The following DNAJB12 variants were observed in gnomAD, a reference collection of about 807,000 sequenced individuals.
The protein encoded by DNAJB12 is dnaJ homolog subfamily B member 12.
Under a neutral mutation model 40.6 loss-of-function variants are expected in DNAJB12, and 14 were observed. The observed-to-expected ratio is 0.34, with a 90% CI of 0.23 to 0.54. The LOEUF (loss-of-function observed/expected upper bound fraction) is 0.54, where lower values mean the gene tolerates loss of function less well. Among genes scored for constraint, DNAJB12 ranks in the 20% least tolerant of loss-of-function variants. The probability of loss-of-function intolerance (pLI) is 0.92; values close to 1 mark genes in which losing one functional copy is unlikely to be tolerated. For synonymous variants in DNAJB12, 181 were observed against 199.5 expected (o/e 0.91, Z 0.78); for missense variants, 444 against 501.7 (o/e 0.89, Z 1.10).
intron 7 of DNAJB12, 47 bp downstream of exon 7, chr10:72,336,477 C>T (rs749910776): frequency 1.9e-6 from 3 of 1,586,702 alleles, no homozygotes; most frequent in African/African-American, 1.3e-5. Flanking sequence ...CCAGCTTCAT[C>T]CCAAGCCACC....
In DNAJB12 at chr10:72,334,562, A is replaced by G; in HGVS notation, c.*86T>C. On this transcript the variant is annotated 3_prime_UTR_variant, in exon 9 of 9. Coordinates refer to ENST00000444643, the MANE Select transcript of DNAJB12 (RefSeq NM_017626.7). ...TTTGTTTGTCTTTCCTCAAATATACAGTCCATCACCTTGGCTCAGTGCATG... is the reference window on the plus strand; with the variant it reads ...TTTGTTTGTCTTTCCTCAAATATACGGTCCATCACCTTGGCTCAGTGCATG... The G allele has an allele frequency of 2.0e-6, 3 of 1,535,774 alleles. No homozygotes were observed. The highest frequency in any genetic ancestry group is 2.6e-6 in the Non-Finnish European group (3 of 1,146,648).
At chr10:72,352,775 A>G (rs1378034597) in intron 1 of DNAJB12, among the ~76,000 whole-genome samples, 2 of 152,166 alleles carry the variant, frequency 1.3e-5, no homozygotes, top group Non-Finnish European at 2.9e-5. Context: ...CAAGCAGAGG[A>G]CTTTGCAAAC....
At chr10:72,346,057 C>T (rs1010063903) in intron 1 of DNAJB12, among the ~76,000 whole-genome samples, 3 of 152,078 alleles carry the variant, frequency 2.0e-5, no homozygotes, top group Non-Finnish European at 4.4e-5. Context: ...ACATATATCT[C>T]TTTTCTTAAT....
chr10:72,352,150 A>AG (rs1437213855), intron 1 of DNAJB12, among the ~76,000 whole-genome samples: 1 of 152,178 alleles, frequency 6.6e-6, no homozygotes, highest in Non-Finnish European at 1.5e-5. Context: ...TCTTTTAACA[A>AG]CAGTGCCCGT....
intron 1 of DNAJB12, among the ~76,000 whole-genome samples, chr10:72,350,398 C>CAAAAA (rs35316232): frequency 3.6e-5 from 1 of 27,820 alleles, no homozygotes; most frequent in Non-Finnish European, 8.2e-5. Flanking sequence ...GACCCTGTCT[C>CAAAAA]AAAAAAAAAA....
In DNAJB12 at chr10:72,336,783, G is replaced by A. The variant is rs532471004; in HGVS notation, c.834-87C>T. The A allele has an allele frequency of 1.1e-4, 121 of 1,151,466 alleles. No homozygotes were observed. The South Asian group carries it at 1.3e-3, about 13-fold the overall frequency. 71.3% of individuals were successfully genotyped at this position (1,151,466 alleles called of 1,614,324 possible). On this transcript the variant is annotated intron_variant, in intron 6 of 8. Coordinates refer to ENST00000444643, the MANE Select transcript of DNAJB12 (RefSeq NM_017626.7). ...TATGGGCCCCAAGACAGGAGGTGCCGCACAGACCAGAGGAGTAGTTGGTTC... is the reference window on the plus strand; with the variant it reads ...TATGGGCCCCAAGACAGGAGGTGCCACACAGACCAGAGGAGTAGTTGGTTC...
chr10:72,335,182 G>T lies in DNAJB12; in HGVS notation c.*31-565C>A, dbSNP rs955320064. The T allele has an allele frequency of 2.3e-5, 23 of 987,400 alleles. No individual in the cohort carries two copies. Among genetic ancestry groups the T allele is most frequent in the Non-Finnish European group, 2.6e-5 (22 of 830,910 alleles). The allele number at this position is 987,400 out of a possible 1,614,324, so 61.2% of individuals were successfully genotyped here. A position where few individuals can be genotyped will look rare whatever the true frequency, so the allele number is the denominator to read the frequency against. On this transcript the variant is annotated intron_variant, in intron 8 of 8. Coordinates refer to ENST00000444643, the MANE Select transcript of DNAJB12 (RefSeq NM_017626.7). The surrounding 1 kb of genome is among the most constrained non-coding windows in gnomAD (Gnocchi z 4.4). ...AGAGTGCCTCAGATCCCACCAGAGG[G>T]GGGTGGTCAGGGCCCGCGGCCCCTG...
chr10:72,341,317 G>A (rs906093337), intron 3 of DNAJB12, 147 bp from the exon 4 acceptor site: 1 of 745,340 alleles, frequency 1.3e-6, no homozygotes, highest in Non-Finnish European at 2.1e-6. Context: ...CTTGGCCAGT[G>A]TAAGGAGGGG....
intron 2 of DNAJB12, among the ~76,000 whole-genome samples, chr10:72,344,501 G>A (rs184782212): frequency 3.3e-5 from 5 of 152,342 alleles, no homozygotes; most frequent in East Asian, 1.9e-4. Context: ...GCTCACAGCC[G>A]TGGGGCAATA....
chr10:72,345,038 C>T lies in DNAJB12; in HGVS notation c.223G>A (p.Gly75Ser), dbSNP rs779246409. The T allele has an allele frequency of 6.2e-6, 10 of 1,614,130 alleles. No individual in the cohort carries two copies. In the South Asian group the frequency reaches 8.8e-5, roughly 14 times the overall value. The stretch of plus-strand genomic sequence containing the variant: ...TTGGCCGAGGGGGCATCGGTCCCAC[C>T]TGCTTTCCTGTGGGTGGCATGGGTT... ...DTTHATHRKA[G>S]GTDAPSANGE... Residue 75 changes from glycine to serine, a missense_variant, in exon 2 of 9, where the codon GGT becomes AGT. Coordinates refer to ENST00000444643, the MANE Select transcript of DNAJB12 (RefSeq NM_017626.7).
chr10:72,351,995 G>A (rs1666351793), intron 1 of DNAJB12, among the ~76,000 whole-genome samples: 1 of 152,100 alleles, frequency 6.6e-6, no homozygotes, highest in Admixed American at 6.5e-5. Context: ...ACACAGGCCT[G>A]GTGCCTCTTT....
At position 72,354,903 on chromosome 10, in the gene DNAJB12, A is replaced by T. The variant is rs773368679; in HGVS notation, c.-6T>A. ...TCATCCTTGTTGGATTCCATGGCGG[A>T]ACCAGAACGCGGAACCAGGGAGGGG... On this transcript the variant is annotated 5_prime_UTR_variant, in exon 1 of 9. Coordinates refer to ENST00000444643, the MANE Select transcript of DNAJB12 (RefSeq NM_017626.7). 6.2e-7 allele frequency: 1 copy of T among 1,613,860 alleles called. No homozygotes were observed. Among genetic ancestry groups the T allele is most frequent in the South Asian group, 1.1e-5 (1 of 91,042 alleles).
intron 1 of DNAJB12, among the ~76,000 whole-genome samples, chr10:72,350,606 C>A (rs572403527): frequency 6.6e-6 from 1 of 152,148 alleles, no homozygotes; most frequent in African/African-American, 2.4e-5. Context: ...TTGTCTCTGA[C>A]CGTGACTTTG....
In DNAJB12 at chr10:72,335,858, G is replaced by C. The variant is rs1362562146; in HGVS notation, c.1080C>G (p.Thr360=). 6.2e-7 allele frequency: 1 copy of C among 1,614,218 alleles called. No homozygotes were observed. Residue 360 remains threonine (T), a synonymous_variant, in exon 8 of 9, where the codon ACC becomes ACG. Transcript: ENST00000444643. The surrounding 1 kb of genome is among the most constrained non-coding windows in gnomAD (Gnocchi z 4.4). Reference sequence around the variant, plus strand: ...CCTCTGACAGTCGGCTGCAGCTGGGGGTGCCCATCTTCTGTGCTCTGTGGT... The same window carrying C: ...CCTCTGACAGTCGGCTGCAGCTGGGCGTGCCCATCTTCTGTGCTCTGTGGT... ...DMYHRAQKMG[T]PSCSRLSEVQ...
At chr10:72,343,887 CTTTT>C (rs370222284) in intron 2 of DNAJB12, among the ~76,000 whole-genome samples, 1 of 145,120 alleles carries the variant, frequency 6.9e-6, no homozygotes, top group African/African-American at 2.5e-5. Context: ...CAATCTGAGT[CTTTT>C]TTTTTTTTTA....
At chr10:72,337,307 G>A (rs1861504830) in intron 6 of DNAJB12, among the ~76,000 whole-genome samples, 1 of 152,170 alleles carries the variant, frequency 6.6e-6, no homozygotes, top group Admixed American at 6.5e-5. Context: ...TGAGCCGGCG[G>A]CCAGGGTCCA....
chr10:72,335,890 CTG>C lies in DNAJB12; in HGVS notation c.1046_1047del (p.Thr349ArgfsTer54). ...LLYRARYFGD[T>X]DMYHRAQKMG... is the part of the protein sequence containing the mutation. ...ATCTTCTGTGCTCTGTGGTACATAT[CTG>C]TGTCGCCAAAGTAGCGTGCCCGGTA... On this transcript the variant is annotated frameshift_variant, in exon 8 of 9. Transcript: ENST00000444643. LOFTEE classifies it high-confidence loss of function. The surrounding 1 kb of genome is among the most constrained non-coding windows in gnomAD (Gnocchi z 4.4). 1 of 1,614,186 alleles carries C rather than the reference CTG, an allele frequency of 6.2e-7. No homozygotes were observed. Among genetic ancestry groups the C allele is most frequent in the Non-Finnish European group, 8.5e-7 (1 of 1,180,012 alleles).
In DNAJB12 at chr10:72,340,976, G is replaced by A. The variant is rs1861619003; in HGVS notation, c.643+9C>T. The stretch of plus-strand genomic sequence containing the variant: ...GGATACCTGGCTGTGGGGAGGGTGG[G>A]GAACTTACTAGAAGGGAAGCCGCCG... On this transcript the variant is annotated intron_variant, in intron 4 of 8. Coordinates refer to ENST00000444643, the MANE Select transcript of DNAJB12 (RefSeq NM_017626.7). The A allele has an allele frequency of 6.2e-7, 1 of 1,612,536 alleles. No homozygotes were observed. The highest frequency in any genetic ancestry group is 8.5e-7 in the Non-Finnish European group (1 of 1,179,198).
At chr10:72,352,613 T>TGGAC (rs975735094) in intron 1 of DNAJB12, among the ~76,000 whole-genome samples, 141 of 152,332 alleles carry the variant, frequency 9.3e-4, no homozygotes, top group African/African-American at 3.2e-3. Flanking sequence ...TTTTCATGCC[T>TGGAC]GTCCTTAAGT....
Sources: gnomAD v4.1 joint callset for allele counts (sites outside exome capture counted in the v4.1 genomes callset) on GRCh38, gnomAD v4.1.1 for gene constraint, Gnocchi (gnomAD v3.1) non-coding constraint, MANE v1.5 for transcripts, NCBI Gene and HGNC (gene_info 2026-07-23, HGNC 2026-07-21) for gene names.